EBP: variants seen among roughly 807,000 people sequenced by gnomAD.
EBP encodes the protein EBP cholestenol delta-isomerase.
Under a neutral mutation model 14.1 loss-of-function variants are expected in EBP, and 1 was observed. That is an observed-to-expected ratio of 0.07 (90% CI 0.03 to 0.34). EBP has a LOEUF of 0.34. EBP is among the 10% of genes least tolerant of loss of function. The pLI is 0.99. For synonymous variants in EBP, 72 were observed against 77.7 expected (o/e 0.93, Z 0.38); for missense variants, 123 against 184.6 (o/e 0.67, Z 1.93).
chrX:48,526,255 A>G (rs1321436327), intron 2 of EBP, among the ~76,000 whole-genome samples: 1 of 109,697 alleles, frequency 9.1e-6, no homozygotes, highest in Non-Finnish European at 1.9e-5. Flanking sequence ...TCTTTCATAT[A>G]CTTATTGGCC....
In EBP at chrX:48,523,758, C is replaced by T; in HGVS notation, c.-14C>T. On this transcript the variant is annotated 5_prime_UTR_variant, in exon 2 of 5. Transcript: ENST00000495186. ...TTCCTGCCTATACACACGCAGCCATCAGCCCACAAAGACATGACTACCAAC... is the reference window on the plus strand; with the variant it reads ...TTCCTGCCTATACACACGCAGCCATTAGCCCACAAAGACATGACTACCAAC... The T allele has an allele frequency of 8.5e-7, 1 of 1,171,487 alleles. No individual in the cohort carries two copies. The highest frequency in any genetic ancestry group is 1.1e-6 in the Non-Finnish European group (1 of 872,074).
chrX:48,522,640 T>A (rs782364512), intron 1 of EBP, among the ~76,000 whole-genome samples: 1 of 112,442 alleles, frequency 8.9e-6, no homozygotes, highest in East Asian at 2.8e-4. Flanking sequence ...AGCCTTTCTG[T>A]GGCCTTGTGT....
intron 2 of EBP, among the ~76,000 whole-genome samples, chrX:48,525,322 T>C (rs1556977296): frequency 8.9e-6 from 1 of 112,069 alleles, no homozygotes; most frequent in Non-Finnish European, 1.9e-5. Flanking sequence ...TATATATACT[T>C]CTAATCTTTT....
At chrX:48,527,100 T>G (rs1556977557) in intron 3 of EBP, 55 bp from the exon 4 acceptor site, 1 of 1,210,188 alleles carries the variant, frequency 8.3e-7, no homozygotes, top group African/African-American at 1.7e-5. Context: ...ACTAATGGGC[T>G]AACCTGTAGG....
chrX:48,523,924 T>C lies in EBP; in HGVS notation c.153T>C (p.Gly51=). 6 of 1,211,531 alleles carry C rather than the reference T, an allele frequency of 5.0e-6. No individual in the cohort carries two copies. In the South Asian group the frequency reaches 8.8e-5, roughly 18 times the overall value. ...VLVVTTWLLS[G]RAAVVPLGTW... ...TCGTGACCACATGGCTGTTGTCAGG[T>C]CGTGCTGCGGTTGTCCCATTGGGGA... The change falls in exon 2 of 5, where the codon GGT becomes GGC. Residue 51 remains glycine, a synonymous_variant. Transcript: ENST00000495186.
At chrX:48,528,137 C>T in intron 4 of EBP, 97 bp from the exon 5 acceptor site, 1 of 696,644 alleles carries the variant, frequency 1.4e-6, no homozygotes, top group African/African-American at 2.1e-5. Flanking sequence ...AGCTCTGAGA[C>T]CTTGAATGAT....
chrX:48,524,648 G>C, intron 2 of EBP: 1 of 109,101 alleles, frequency 9.2e-6, no homozygotes, highest in East Asian at 2.9e-4. Context: ...ATTATGTATT[G>C]TTATTATTAT....
Position 48,523,923 on chromosome X carries a change from G to T in EBP, c.152G>T (p.Gly51Val). 4 of 1,211,419 alleles carry T rather than the reference G, an allele frequency of 3.3e-6. No homozygotes were observed. The African/African-American group carries it at 6.9e-5, about 21-fold the overall frequency. Residue 51 changes from glycine (G) to valine (V), a missense_variant, in exon 2 of 5, where the codon GGT (glycine) becomes GTT (valine). By Grantham distance (109) the Gly-to-Val change is moderately radical. Transcript: ENST00000495186. Reference protein sequence around the residue: ...VLVVTTWLLSGRAAVVPLGTW... With the variant: ...VLVVTTWLLSVRAAVVPLGTW... Reference sequence around the variant, plus strand: ...GTCGTGACCACATGGCTGTTGTCAGGTCGTGCTGCGGTTGTCCCATTGGGG... The same window carrying T: ...GTCGTGACCACATGGCTGTTGTCAGTTCGTGCTGCGGTTGTCCCATTGGGG...
intron 1 of EBP, chrX:48,522,373 G>T (rs1432299262): frequency 8.9e-6 from 1 of 112,115 alleles, no homozygotes; most frequent in Non-Finnish European, 1.9e-5. Flanking sequence ...ACTGGACCAC[G>T]CCTGGTTCCT....
rs1052713148 is a variant in EBP, at chrX:48,523,778, A to C, written c.7A>C (p.Thr3Pro). 30 of 1,192,877 alleles carry C rather than the reference A, an allele frequency of 2.5e-5. No individual in the cohort carries two copies. Among genetic ancestry groups the C allele is most frequent in the Non-Finnish European group, 3.4e-5 (30 of 889,320 alleles). MTTNAGPLHPYWP... is the reference protein window; with the variant it reads MTPNAGPLHPYWP... ...GCCATCAGCCCACAAAGACATGACTACCAACGCGGGCCCCTTGCACCCATA... is the reference window on the plus strand; with the variant it reads ...GCCATCAGCCCACAAAGACATGACTCCCAACGCGGGCCCCTTGCACCCATA... The change falls in exon 2 of 5, where the codon ACC (threonine) becomes CCC (proline). Residue 3 changes from threonine to proline, a missense_variant. Coordinates refer to ENST00000495186, the MANE Select transcript of EBP (RefSeq NM_006579.3).
In EBP at chrX:48,528,368, G is replaced by T. The variant is rs782779957; in HGVS notation, c.604G>T (p.Val202Phe). Reference protein sequence around the residue: ...MNALWLVLPGVLVLDAVKHLT... With the variant: ...MNALWLVLPGFLVLDAVKHLT... ...TGCCCTGTGGCTGGTGCTGCCTGGAGTCCTTGTGCTTGATGCTGTGAAGCA... is the reference window on the plus strand; with the variant it reads ...TGCCCTGTGGCTGGTGCTGCCTGGATTCCTTGTGCTTGATGCTGTGAAGCA... Residue 202 changes from valine to phenylalanine, a missense_variant, in exon 5 of 5, where the codon GTC (valine) becomes TTC (phenylalanine). Val to Phe is a conservative substitution (Grantham distance 50). Coordinates refer to ENST00000495186, the MANE Select transcript of EBP (RefSeq NM_006579.3). 1 of 1,196,637 alleles carries T rather than the reference G, an allele frequency of 8.4e-7. No homozygotes were observed. Among genetic ancestry groups the T allele is most frequent in the Non-Finnish European group, 1.1e-6 (1 of 887,320 alleles).
intron 2 of EBP, chrX:48,526,785 TG>T (rs1333417780): frequency 4.9e-5 from 23 of 472,706 alleles, no homozygotes; most frequent in Non-Finnish European, 8.6e-5. Context: ...ACAGCCACAC[TG>T]TTTTGTGTCA....
chrX:48,525,544 T>A (rs2061776399), intron 2 of EBP, among the ~76,000 whole-genome samples: 1 of 109,409 alleles, frequency 9.1e-6, no homozygotes, highest in Non-Finnish European at 1.9e-5. Context: ...ATTTTTTTTT[T>A]AACAACTTTT....
Position 48,528,713 on chromosome X carries a change from C to CT in EBP, c.*257dup, listed in dbSNP as rs2061786384. The CT allele has an allele frequency of 2.4e-6, 1 of 415,581 alleles. No homozygotes were observed. The highest frequency in any genetic ancestry group is 4.0e-5 in the East Asian group (1 of 24,871). The allele number at this position is 415,581 out of a possible 1,213,427, so 34.2% of individuals were successfully genotyped here. On this transcript the variant is annotated 3_prime_UTR_variant, in exon 5 of 5. Coordinates refer to ENST00000495186, the MANE Select transcript of EBP (RefSeq NM_006579.3). Reference sequence around the variant, plus strand: ...AATCAGGAAATAAAAGATCTTGACTCTAACACTGAGAGATCCTTAATTACT... The same window carrying CT: ...AATCAGGAAATAAAAGATCTTGACTCTTAACACTGAGAGATCCTTAATTACT...
At chrX:48,525,130 C>G (rs1321617398) in intron 2 of EBP, among the ~76,000 whole-genome samples, 1 of 112,242 alleles carries the variant, frequency 8.9e-6, no homozygotes, top group Non-Finnish European at 1.9e-5. Context: ...GTTTATGTTT[C>G]TTTTCAGTTT....
At position 48,523,729 on chromosome X, in the gene EBP, T is replaced by TTA; in HGVS notation, c.-43_-42insTA. Reference sequence around the variant, plus strand: ...TCTGTTCCTTTTTTTTTTTTTTTTTTAACTTCCTGCCTATACACACGCAGC... The same window carrying TTA: ...TCTGTTCCTTTTTTTTTTTTTTTTTTTAAACTTCCTGCCTATACACACGCAGC... On this transcript the variant is annotated 5_prime_UTR_variant, in exon 2 of 5. Transcript: ENST00000495186. 6.7e-6 allele frequency: 7 copies of TTA among 1,042,186 alleles called. No homozygotes were observed. Among genetic ancestry groups the TTA allele is most frequent in the Non-Finnish European group, 9.0e-6 (7 of 777,353 alleles). 85.9% of individuals were successfully genotyped at this position (1,042,186 alleles called of 1,213,427 possible).
chrX:48,525,267 TATC>T (rs1233233375), intron 2 of EBP, among the ~76,000 whole-genome samples: 3 of 112,694 alleles, frequency 2.7e-5, no homozygotes, highest in African/African-American at 9.7e-5. Flanking sequence ...TCACTATTAT[TATC>T]ATTATTTGCA....
chrX:48,526,834 C>T, intron 2 of EBP, 155 bp from the exon 3 acceptor site: 1 of 591,150 alleles, frequency 1.7e-6, no homozygotes, highest in South Asian at 2.4e-5. Flanking sequence ...AGAAATAAAC[C>T]ACTAGAATCC....
intron 2 of EBP, among the ~76,000 whole-genome samples, chrX:48,525,831 A>G (rs948424563): frequency 9.1e-6 from 1 of 110,108 alleles, no homozygotes; most frequent in East Asian, 2.9e-4. Context: ...TCATGCCTGT[A>G]ATCCCAGCAC....
Sources: gnomAD v4.1 joint callset for allele counts (sites outside exome capture counted in the v4.1 genomes callset) on GRCh38, gnomAD v4.1.1 for gene constraint, MANE v1.5 for transcripts, NCBI Gene and HGNC (gene_info 2026-07-23, HGNC 2026-07-21) for gene names.